HTR1E: variants seen among roughly 807,000 people sequenced by gnomAD.
The protein encoded by HTR1E is 5-hydroxytryptamine receptor 1E, also known as 5-HT-1E.
HTR1E carries 3 observed loss-of-function variants against 3.4 expected under a neutral mutation model. The ratio of observed to expected loss-of-function variants is 0.89; its 90% CI spans 0.41 to 2.31. The LOEUF is 2.31. HTR1E is among the 30% of genes most tolerant of loss of function. The pLI is 0.05. For missense variants in HTR1E, 392 were observed against 467.0 expected (o/e 0.84, Z 1.48); for synonymous variants, 170 against 182.8 (o/e 0.93, Z 0.56).
chr6:86,949,147 G>C (rs1194433671), intron 1 of HTR1E, among the ~76,000 whole-genome samples: 1 of 152,208 alleles, frequency 6.6e-6, no homozygotes, highest in African/African-American at 2.4e-5. Flanking sequence ...AGTTAAGACA[G>C]ATTCTGGAAC....
chr6:86,976,055 T>A (rs903444766), intron 1 of HTR1E, among the ~76,000 whole-genome samples: 4 of 152,030 alleles, frequency 2.6e-5, no homozygotes, highest in African/African-American at 4.8e-5. Flanking sequence ...ATATTTTTCA[T>A]GGAAAACACC....
chr6:86,981,951 A>G (rs1478100117), intron 1 of HTR1E, among the ~76,000 whole-genome samples: 2 of 152,192 alleles, frequency 1.3e-5, no homozygotes, highest in African/African-American at 4.8e-5. Flanking sequence ...CAGAAAATGA[A>G]GCTGTTCACT....
intron 1 of HTR1E, among the ~76,000 whole-genome samples, chr6:86,953,316 G>A (rs61183657): frequency 0.23 from 34,573 of 152,060 alleles, 4,583 homozygotes; most frequent in African/African-American, 0.36. Context: ...ATTTAAGTCA[G>A]TTTTGGAGAT....
In HTR1E at chr6:87,011,749, A is replaced by C. The variant is rs1768240487; in HGVS notation, c.-185-3401A>C. Among the ~76,000 whole-genome samples, 2 of 152,188 alleles carry C rather than the reference A, an allele frequency of 1.3e-5. 1 individual carries two copies. The highest frequency in any genetic ancestry group is 4.1e-4 in the South Asian group (2 of 4,826). ...ATATTTCAGAAAGCGGAAGTATCAG[A>C]CAGTAATCCCTATTTATGTTCTCAA... On this transcript the variant is annotated intron_variant, in intron 1 of 1. Coordinates refer to ENST00000305344, the MANE Select transcript of HTR1E (RefSeq NM_000865.3).
chr6:87,009,856 C>T (rs1482922568), intron 1 of HTR1E, among the ~76,000 whole-genome samples: 1 of 119,970 alleles, frequency 8.3e-6, no homozygotes. Flanking sequence ...ACCTCCCTCC[C>T]GGACGGGGCG....
rs1007693002 is a variant in HTR1E, at chr6:86,996,591, C to A, written c.-185-18559C>A. ...ATCAGGGAATATCATTACAGGCCTG[C>A]AAATATGAAAGAGATAAGAGAATAC... On this transcript the variant is annotated intron_variant, in intron 1 of 1. Transcript: ENST00000305344. Among the ~76,000 whole-genome samples, 6 of 151,702 alleles carry A rather than the reference C, an allele frequency of 4.0e-5. No homozygotes were observed. The East Asian group carries it at 9.6e-4, about 24-fold the overall frequency.
chr6:87,012,748 C>T (rs981357936), intron 1 of HTR1E, among the ~76,000 whole-genome samples: 2 of 152,178 alleles, frequency 1.3e-5, no homozygotes, highest in Non-Finnish European at 2.9e-5. Context: ...TCAGCTTCTA[C>T]GTGTATTAAC....
At chr6:86,996,552 G>T (rs541501752) in intron 1 of HTR1E, among the ~76,000 whole-genome samples, 16 of 151,892 alleles carry the variant, frequency 1.1e-4, no homozygotes, top group African/African-American at 3.4e-4. Context: ...TCAAATTATT[G>T]GTATCAGTAA....
At chr6:86,968,142 A>G (rs1373702542) in intron 1 of HTR1E, among the ~76,000 whole-genome samples, 1 of 152,166 alleles carries the variant, frequency 6.6e-6, no homozygotes, top group Non-Finnish European at 1.5e-5. Flanking sequence ...CTACATTATT[A>G]TTTTTAATGG....
chr6:87,016,337 G>A lies in HTR1E; in HGVS notation c.1003G>A (p.Val335Met), dbSNP rs1370208159. ...CGACTTTCTGACGTGGCTCGGTTAT[G>A]TGAATTCTCTGATCAACCCTCTGCT... ...VADFLTWLGY[V>M]NSLINPLLYT... Residue 335 changes from valine to methionine, a missense_variant, in exon 2 of 2, where the codon GTG becomes ATG. Physicochemically the swap from Val to Met is conservative, Grantham distance 21 (BLOSUM62 1). Around this residue, in one of 3 missense-constraint regions of HTR1E, gnomAD observed 25 missense variants for 44.1 expected, o/e 0.57. Transcript: ENST00000305344. 1.2e-6 allele frequency: 2 copies of A among 1,614,112 alleles called. No homozygotes were observed. The highest frequency in any genetic ancestry group is 1.7e-6 in the Non-Finnish European group (2 of 1,180,058).
intron 1 of HTR1E, among the ~76,000 whole-genome samples, chr6:86,961,364 A>AT (rs1221010342): frequency 6.6e-6 from 1 of 152,210 alleles, no homozygotes; most frequent in African/African-American, 2.4e-5. Flanking sequence ...AAGAAAAAGA[A>AT]TTTTTTTAAT....
chr6:86,945,266 A>T (rs886976211), intron 1 of HTR1E, among the ~76,000 whole-genome samples: 1 of 151,772 alleles, frequency 6.6e-6, no homozygotes, highest in African/African-American at 2.4e-5. Flanking sequence ...TGTTTGTTTG[A>T]GACAGAGTCT....
intron 1 of HTR1E, among the ~76,000 whole-genome samples, chr6:86,958,736 T>C (rs1032787082): frequency 6.6e-6 from 1 of 152,220 alleles, no homozygotes; most frequent in African/African-American, 2.4e-5. Context: ...AAGTTTTACA[T>C]CTGCTTCCAA....
chr6:86,993,200 A>G (rs531200809), intron 1 of HTR1E, among the ~76,000 whole-genome samples: 1 of 152,318 alleles, frequency 6.6e-6, no homozygotes, highest in Non-Finnish European at 1.5e-5. Flanking sequence ...GGGTGACAGT[A>G]TATAAGAACT....
chr6:86,995,665 C>CAAAAAAAAAAA (rs60134206), intron 1 of HTR1E, among the ~76,000 whole-genome samples: 10 of 36,688 alleles, frequency 2.7e-4, no homozygotes, highest in African/African-American at 6.0e-4. Flanking sequence ...GACTCCATCT[C>CAAAAAAAAAAA]AAAAAAAAAA....
intron 1 of HTR1E, among the ~76,000 whole-genome samples, chr6:86,977,574 G>C (rs1767656273): frequency 6.6e-6 from 1 of 152,106 alleles, no homozygotes; most frequent in Non-Finnish European, 1.5e-5. Context: ...GGGTCTAATG[G>C]TAGCTCTAAG....
At chr6:86,962,642 A>C (rs1446681418) in intron 1 of HTR1E, among the ~76,000 whole-genome samples, 1 of 152,130 alleles carries the variant, frequency 6.6e-6, no homozygotes, top group Non-Finnish European at 1.5e-5. Context: ...GTCTGAGACC[A>C]ACCTGCCCAA....
intron 1 of HTR1E, among the ~76,000 whole-genome samples, chr6:86,992,758 T>C (rs952567823): frequency 6.6e-6 from 1 of 152,196 alleles, no homozygotes; most frequent in Non-Finnish European, 1.5e-5. Flanking sequence ...AAGGTAGGTA[T>C]AATTATCCTC....
At chr6:86,996,984 G>A (rs548319134) in intron 1 of HTR1E, among the ~76,000 whole-genome samples, 1 of 151,738 alleles carries the variant, frequency 6.6e-6, no homozygotes, top group African/African-American at 2.4e-5. Flanking sequence ...ATTATCAAAA[G>A]AATTCAGCAA....
Sources: gnomAD v4.1 joint callset for allele counts (sites outside exome capture counted in the v4.1 genomes callset) on GRCh38, gnomAD v4.1.1 for gene constraint, gnomAD v4.1.1 regional missense constraint, MANE v1.5 for transcripts, NCBI Gene and HGNC (gene_info 2026-07-23, HGNC 2026-07-21) for gene names.